The following ATG4B variants were observed in gnomAD, a reference collection of about 807,000 sequenced individuals.
ATG4B encodes the protein cysteine protease ATG4B.
A neutral mutation model predicts 56.6 loss-of-function variants in ATG4B; 29 were observed. The observed-to-expected ratio is 0.51, with a 90% CI of 0.38 to 0.70. The LOEUF is 0.70. Ranked by LOEUF, ATG4B falls within the 30% of genes least tolerant of loss-of-function variation. The probability of loss-of-function intolerance (pLI) is 0.00; values close to 1 mark genes in which losing one functional copy is unlikely to be tolerated. For missense variants in ATG4B, 461 were observed against 515.5 expected (o/e 0.89, Z 1.02); for synonymous variants, 224 against 206.1 (o/e 1.09, Z -0.74).
At chr2:241,647,182 T>C (rs2068086021) in intron 1 of ATG4B, among the ~76,000 whole-genome samples, 1 of 152,228 alleles carries the variant, frequency 6.6e-6, no homozygotes, top group Admixed American at 6.5e-5. Context: ...AAAGAGATAC[T>C]TGCCAGTGTT....
intron 7 of ATG4B, 38 bp downstream of exon 7, chr2:241,659,225 AAT>A: frequency 6.4e-7 from 1 of 1,572,086 alleles, no homozygotes; most frequent in Non-Finnish European, 8.7e-7. Context: ...AGAAAGTTGA[AAT>A]CACGGGCAAC....
chr2:241,670,466 A>C, intron 10 of ATG4B: 3 of 566,184 alleles, frequency 5.3e-6, no homozygotes, highest in East Asian at 6.0e-5. Context: ...AGAGATGCAC[A>C]CCACGTAACA....
At position 241,668,611 on chromosome 2, in the gene ATG4B, C is replaced by A. The variant is rs1464678272; in HGVS notation, c.883C>A (p.Pro295Thr). 1 of 1,595,054 alleles carries A rather than the reference C, an allele frequency of 6.3e-7. No homozygotes were observed. Residue 295 changes from proline (P) to threonine (T), a missense_variant, in exon 10 of 13, where the codon CCG becomes ACG. By Grantham distance (38) the Pro-to-Thr change is conservative. Transcript: ENST00000404914. The surrounding 1 kb of genome is among the most constrained non-coding windows in gnomAD (Gnocchi z 4.2). The stretch of plus-strand genomic sequence containing the variant: ...GGAGCCCACTGATGGCTGCTTCATC[C>A]CGGACGAGAGCTTCCACTGCCAGCA... ...AVEPTDGCFIPDESFHCQHPP... is the reference protein window; with the variant it reads ...AVEPTDGCFITDESFHCQHPP...
chr2:241,643,603 CATAT>C (rs199671002), intron 1 of ATG4B, among the ~76,000 whole-genome samples: 2 of 148,058 alleles, frequency 1.4e-5, no homozygotes, highest in African/African-American at 2.5e-5. Context: ...TATATATAAA[CATAT>C]ATATACGTAT....
chr2:241,640,975 T>A (rs545375933), intron 1 of ATG4B, among the ~76,000 whole-genome samples: 1 of 151,926 alleles, frequency 6.6e-6, no homozygotes, highest in Admixed American at 6.6e-5. Context: ...AGAGGAGGAG[T>A]CACATGATAG....
At chr2:241,653,410 G>T (rs573937213) in intron 3 of ATG4B, 102 bp from the exon 4 acceptor site, 1 of 1,551,202 alleles carries the variant, frequency 6.4e-7, no homozygotes, top group East Asian at 2.4e-5. Context: ...GGAGGGAGTC[G>T]GTGCCTGTGG....
rs1341901160 is a variant in ATG4B, at chr2:241,651,397, AC to A, written c.184+63del. ...ATGTTTTTAGGAAGGAGGAAAACTTACGCTTGTAGATTTGACTTCAATATGC... is the reference window on the plus strand; with the variant it reads ...ATGTTTTTAGGAAGGAGGAAAACTTAGCTTGTAGATTTGACTTCAATATGC... On this transcript the variant is annotated intron_variant, in intron 3 of 12. Coordinates refer to ENST00000404914, the MANE Select transcript of ATG4B (RefSeq NM_013325.5). The surrounding 1 kb of genome is among the most constrained non-coding windows in gnomAD (Gnocchi z 4.1). The A allele has an allele frequency of 1.5e-6, 2 of 1,302,888 alleles. No individual in the cohort carries two copies. Among genetic ancestry groups the A allele is most frequent in the African/African-American group, 3.0e-5 (2 of 67,202 alleles). 80.7% of individuals were successfully genotyped at this position (1,302,888 alleles called of 1,614,324 possible).
rs1320474602 is a variant in ATG4B, at chr2:241,670,765, T to G, written c.997T>G (p.Cys333Gly). 1.2e-6 allele frequency: 2 copies of G among 1,610,578 alleles called. No homozygotes were observed. The highest frequency in any genetic ancestry group is 1.7e-5 in the Admixed American group (1 of 59,404). The change falls in exon 11 of 13, where the codon TGC (cysteine) becomes GGC (glycine). Residue 333 changes from cysteine to glycine, a missense_variant. Transcript: ENST00000404914. ...CKTEDDFNDWCQQVKKLSLLG... is the reference protein window; with the variant it reads ...CKTEDDFNDWGQQVKKLSLLG... ...GACTGAAGATGACTTCAATGATTGGTGCCAGCAAGTCAAAAAGGTTTGTAG... is the reference window on the plus strand; with the variant it reads ...GACTGAAGATGACTTCAATGATTGGGGCCAGCAAGTCAAAAAGGTTTGTAG...
Position 241,673,002 on chromosome 2 carries a change from GC to G in ATG4B, c.*739del, listed in dbSNP as rs2069032901. 1 of 171,494 alleles carries G rather than the reference GC, an allele frequency of 5.8e-6. No individual in the cohort carries two copies. The highest frequency in any genetic ancestry group is 1.3e-5 in the Non-Finnish European group (1 of 79,032). The allele number at this position is 171,494 out of a possible 1,614,324, so 10.6% of individuals were successfully genotyped here. A position where few individuals can be genotyped will look rare whatever the true frequency, so the allele number is the denominator to read the frequency against. On this transcript the variant is annotated 3_prime_UTR_variant, in exon 13 of 13. Transcript: ENST00000404914. ...TGCCCTCAGAGTGTCCCTTTCCAGT[GC>G]TGTGGCATTCTGTGGCAGCTTCCCC...
intron 7 of ATG4B, among the ~76,000 whole-genome samples, chr2:241,660,840 C>T (rs1472670419): frequency 1.3e-5 from 2 of 152,184 alleles, no homozygotes; most frequent in South Asian, 2.1e-4. Context: ...AAATCACTTA[C>T]CCCCTCGTTC....
intron 1 of ATG4B, among the ~76,000 whole-genome samples, chr2:241,639,332 G>A (rs981113001): frequency 1.3e-5 from 2 of 152,220 alleles, no homozygotes; most frequent in African/African-American, 2.4e-5. Flanking sequence ...AGCCCAAGAG[G>A]GGGTGTTGCA....
rs1318989067 is a variant in ATG4B, at chr2:241,672,582, G to A, written c.*318G>A. 8 of 383,722 alleles carry A rather than the reference G, an allele frequency of 2.1e-5. No individual in the cohort carries two copies. Among genetic ancestry groups the A allele is most frequent in the South Asian group, 7.3e-5 (2 of 27,248 alleles). 23.8% of individuals were successfully genotyped at this position (383,722 alleles called of 1,614,324 possible). On this transcript the variant is annotated 3_prime_UTR_variant, in exon 13 of 13. Coordinates refer to ENST00000404914, the MANE Select transcript of ATG4B (RefSeq NM_013325.5). The stretch of plus-strand genomic sequence containing the variant: ...GCCTCAGTCCCACTTGCTCCCAGGC[G>A]CCGGTTCTGTGGTTGGTTTGGAATT...
rs369272637 is a variant in ATG4B, at chr2:241,637,720, C to G, written c.6C>G (p.Asp2Glu). The change falls in exon 1 of 13, where the codon GAC (aspartate) becomes GAG (glutamate). Residue 2 changes from aspartate to glutamate, a missense_variant. Physicochemically the swap from Asp to Glu is conservative, Grantham distance 45 (BLOSUM62 2). Coordinates refer to ENST00000404914, the MANE Select transcript of ATG4B (RefSeq NM_013325.5). ...TCGGCGGCCGGACTGGGAAGATGGA[C>G]GCAGGTGAGGAGTTGCCGGGGGTCG... M[D>E]AATLTYDTLR... is the part of the protein sequence containing the mutation. 5 of 1,581,748 alleles carry G rather than the reference C, an allele frequency of 3.2e-6. No homozygotes were observed. The South Asian group carries it at 3.4e-5, about 11-fold the overall frequency.
At chr2:241,672,015 C>T (rs1286631974) in intron 12 of ATG4B, 176 bp from the exon 13 acceptor site, 4 of 1,429,216 alleles carry the variant, frequency 2.8e-6, no homozygotes, top group Middle Eastern at 2.3e-4. Context: ...TCTCTGCTCC[C>T]TCCCCCCATA....
chr2:241,669,759 G>A (rs559347898), intron 10 of ATG4B, among the ~76,000 whole-genome samples: 1 of 152,272 alleles, frequency 6.6e-6, no homozygotes, highest in South Asian at 2.1e-4. Flanking sequence ...CACCCACCTC[G>A]GCCTCCCAAA....
intron 1 of ATG4B, among the ~76,000 whole-genome samples, chr2:241,641,962 C>G (rs1011549447): frequency 9.9e-5 from 15 of 152,088 alleles, no homozygotes; most frequent in African/African-American, 3.6e-4. Flanking sequence ...CTGCCCATTC[C>G]TTGAGGACAG....
chr2:241,647,218 A>G (rs1478672362), intron 1 of ATG4B, among the ~76,000 whole-genome samples: 1 of 152,250 alleles, frequency 6.6e-6, no homozygotes, highest in Non-Finnish European at 1.5e-5. Context: ...TACTTTAAAT[A>G]AAAGATATGT....
intron 1 of ATG4B, among the ~76,000 whole-genome samples, 189 bp from the exon 2 acceptor site, chr2:241,650,820 CT>C (rs2125122629): frequency 6.6e-6 from 1 of 152,118 alleles, no homozygotes; most frequent in Non-Finnish European, 1.5e-5. Context: ...GCAGGGCCTC[CT>C]TCTCTTTCCT....
rs2068930383 is a variant in ATG4B at position 241,670,496 on chromosome 2, C to T, written c.958-230C>T. 3 of 598,180 alleles carry T rather than the reference C, an allele frequency of 5.0e-6. No homozygotes were observed. The South Asian group carries it at 6.0e-5, about 12-fold the overall frequency. The allele number at this position is 598,180 out of a possible 1,614,324, so 37.1% of individuals were successfully genotyped here. A position where few individuals can be genotyped will look rare whatever the true frequency, so the allele number is the denominator to read the frequency against. On this transcript the variant is annotated intron_variant, in intron 10 of 12. Coordinates refer to ENST00000404914, the MANE Select transcript of ATG4B (RefSeq NM_013325.5). ...GTAACATCTCGTGGGCGAATCAAGG[C>T]ACAGCAACGCAGTGGAGCCTGAGGG...
Sources: allele counts gnomAD v4.1 joint callset (sites outside exome capture counted in the v4.1 genomes callset), GRCh38; gene constraint gnomAD v4.1.1; non-coding constraint Gnocchi (gnomAD v3.1); transcripts MANE v1.5; gene names NCBI Gene and HGNC (gene_info 2026-07-23, HGNC 2026-07-21).